The following EPHA4 variants were observed in gnomAD, a reference collection of about 807,000 sequenced individuals.
EPHA4 encodes the protein ephrin type-A receptor 4.
In EPHA4, 19 loss-of-function variants were observed where a neutral mutation model predicts 108.3. The observed-to-expected ratio is 0.18, with a 90% CI of 0.12 to 0.26. EPHA4 has a LOEUF of 0.26. EPHA4 is among the 10% of genes least tolerant of loss of function. The probability of loss-of-function intolerance (pLI) is 1.00; values close to 1 mark genes in which losing one functional copy is unlikely to be tolerated. For synonymous variants in EPHA4, 449 were observed against 455.5 expected (o/e 0.99, Z 0.18); for missense variants, 917 against 1,254.0 (o/e 0.73, Z 4.06).
chr2:221,500,099 A>G (rs888880424), intron 4 of EPHA4, among the ~76,000 whole-genome samples: 2 of 152,132 alleles, frequency 1.3e-5, no homozygotes, highest in Non-Finnish European at 2.9e-5. Context: ...TGCGATGTAC[A>G]TAGCACATAA....
At chr2:221,460,702 C>T (rs1000559862) in intron 5 of EPHA4, among the ~76,000 whole-genome samples, 1 of 152,182 alleles carries the variant, frequency 6.6e-6, no homozygotes, top group African/African-American at 2.4e-5. Context: ...CTTTCTACCC[C>T]ATTTCCAAAA....
intron 14 of EPHA4, among the ~76,000 whole-genome samples, chr2:221,432,758 C>T (rs1056689457): frequency 6.6e-6 from 1 of 151,722 alleles, no homozygotes; most frequent in African/African-American, 2.4e-5. Flanking sequence ...ATTAGCCTAC[C>T]TCAGCGTCCC....
chr2:221,496,209 G>A (rs1321427507), intron 4 of EPHA4, among the ~76,000 whole-genome samples: 4 of 152,112 alleles, frequency 2.6e-5, no homozygotes, highest in African/African-American at 7.2e-5. Flanking sequence ...CTTCTCTGTT[G>A]GAACGTCTAC....
At chr2:221,526,734 C>A (rs1693335506) in intron 3 of EPHA4, among the ~76,000 whole-genome samples, 1 of 151,624 alleles carries the variant, frequency 6.6e-6, no homozygotes, top group Non-Finnish European at 1.5e-5. Flanking sequence ...ATAATCCCAG[C>A]TACTCGGGAG....
chr2:221,449,301 C>T (rs888605780), intron 8 of EPHA4, among the ~76,000 whole-genome samples: 1 of 152,148 alleles, frequency 6.6e-6, no homozygotes, highest in Admixed American at 6.5e-5. Flanking sequence ...AAAGAAAGCC[C>T]ATTGAAGTTC....
At chr2:221,452,552 T>C (rs1690819211) in intron 8 of EPHA4, among the ~76,000 whole-genome samples, 1 of 152,224 alleles carries the variant, frequency 6.6e-6, no homozygotes, top group African/African-American at 2.4e-5. Flanking sequence ...GCTGCAAGCC[T>C]GTCAGCTACC....
At chr2:221,488,294 C>T (rs13026659) in intron 4 of EPHA4, among the ~76,000 whole-genome samples, 64,032 of 151,870 alleles carry the variant, frequency 0.42, 13,580 homozygotes, top group East Asian at 0.53. Context: ...CATGTAATTC[C>T]AGGAACTAAA....
chr2:221,566,860 A>G lies in EPHA4; in HGVS notation c.159+1858T>C, dbSNP rs145222159. Among the ~76,000 whole-genome samples the G allele has an allele frequency of 5.7e-3, 283 of 50,058 alleles. 29 individuals carry two copies. The highest frequency in any genetic ancestry group is 0.021 in the African/African-American group (225 of 10,804). 32.8% of individuals were successfully genotyped at this position (50,058 alleles called of 152,430 possible). On this transcript the variant is annotated intron_variant, in intron 2 of 17. Transcript: ENST00000281821. ...GAAGAAGGAGAAGGAGAAGGAGAAG[A>G]AGAAGAAGAAGAAGAAGGAGAAGGA...
chr2:221,426,236 C>T, intron 16 of EPHA4, 94 bp from the exon 17 acceptor site: 1 of 1,203,144 alleles, frequency 8.3e-7, no homozygotes. Context: ...TTGAATCAGC[C>T]ACAATTAATA....
chr2:221,430,264 G>A (rs1329122726), intron 14 of EPHA4, 113 bp from the exon 15 acceptor site: 2 of 1,085,280 alleles, frequency 1.8e-6, no homozygotes, highest in South Asian at 1.6e-5. Flanking sequence ...GCTGGAGCCT[G>A]GGAACAGCTC....
At chr2:221,471,315 C>G (rs1691481568) in intron 5 of EPHA4, among the ~76,000 whole-genome samples, 2 of 152,064 alleles carry the variant, frequency 1.3e-5, no homozygotes, top group South Asian at 4.1e-4. Context: ...CTCATGAACT[C>G]AATTTGCTGA....
At chr2:221,477,181 C>T (rs1333196991) in intron 5 of EPHA4, among the ~76,000 whole-genome samples, 1 of 152,118 alleles carries the variant, frequency 6.6e-6, no homozygotes, top group Non-Finnish European at 1.5e-5. Context: ...CATGAGGGGC[C>T]TTGAAAGGCC....
At chr2:221,431,504 T>C in intron 14 of EPHA4, among the ~76,000 whole-genome samples, 1 of 152,248 alleles carries the variant, frequency 6.6e-6, no homozygotes, top group Non-Finnish European at 1.5e-5. Context: ...ATTTTGCCAA[T>C]ATCATGTATC....
chr2:221,453,068 C>T (rs2106114718), intron 8 of EPHA4, among the ~76,000 whole-genome samples: 1 of 151,714 alleles, frequency 6.6e-6, no homozygotes, highest in South Asian at 2.1e-4. Context: ...CCACTTATAC[C>T]AAAAAACAAA....
At chr2:221,511,233 C>T (rs961319591) in intron 3 of EPHA4, among the ~76,000 whole-genome samples, 13 of 152,194 alleles carry the variant, frequency 8.5e-5, no homozygotes, top group Non-Finnish European at 5.9e-5. Context: ...GAACTAAAAA[C>T]GGCCTCAGAA....
At chr2:221,447,540 C>A (rs939808619) in intron 8 of EPHA4, among the ~76,000 whole-genome samples, 1 of 152,144 alleles carries the variant, frequency 6.6e-6, no homozygotes, top group Non-Finnish European at 1.5e-5. Context: ...TTGTCAGCAG[C>A]GCAAGAACCA....
In EPHA4 at chr2:221,486,606, C is replaced by T. The variant is rs571105217; in HGVS notation, c.980-3916G>A. On this transcript the variant is annotated intron_variant, in intron 4 of 17. Coordinates refer to ENST00000281821, the MANE Select transcript of EPHA4 (RefSeq NM_004438.5). Reference sequence around the variant, plus strand: ...AAAATTAGCCAGGTGTGCTGGCACACGTCTGTAGTCCCAGCTACTTGGGAG... The same window carrying T: ...AAAATTAGCCAGGTGTGCTGGCACATGTCTGTAGTCCCAGCTACTTGGGAG... Among the ~76,000 whole-genome samples, 15 of 151,970 alleles carry T rather than the reference C, an allele frequency of 9.9e-5. No homozygotes were observed. In the East Asian group the frequency reaches 2.3e-3, roughly 24 times the overall value.
intron 6 of EPHA4, among the ~76,000 whole-genome samples, chr2:221,456,977 T>C (rs983791403): frequency 6.6e-6 from 1 of 152,230 alleles, no homozygotes; most frequent in African/African-American, 2.4e-5. Flanking sequence ...CAAATTCAGG[T>C]ATGATTGTTA....
intron 5 of EPHA4, among the ~76,000 whole-genome samples, chr2:221,480,905 T>A (rs1208351840): frequency 6.6e-6 from 1 of 152,220 alleles, no homozygotes; most frequent in Non-Finnish European, 1.5e-5. Context: ...AGTACAGATA[T>A]TTTACTAAAC....
Sources: allele counts gnomAD v4.1 joint callset (sites outside exome capture counted in the v4.1 genomes callset), GRCh38; gene constraint gnomAD v4.1.1; transcripts MANE v1.5; gene names NCBI Gene and HGNC (gene_info 2026-07-23, HGNC 2026-07-21).